TP73: variants seen among roughly 807,000 people sequenced by gnomAD.
TP73 encodes the protein tumor protein p73.
A neutral mutation model predicts 62.5 loss-of-function variants in TP73; 25 were observed. The ratio of observed to expected loss-of-function variants is 0.40; its 90% CI spans 0.29 to 0.56. The LOEUF is 0.56. Ranked by LOEUF, TP73 falls within the 20% of genes least tolerant of loss-of-function variation. The probability of loss-of-function intolerance (pLI) is 0.46; values close to 1 mark genes in which losing one functional copy is unlikely to be tolerated. For missense variants in TP73, 754 were observed against 913.3 expected, an observed-to-expected ratio of 0.83 and a Z score of 2.25; for synonymous variants, 423 against 377.5, an observed-to-expected ratio of 1.12 and a Z score of -1.40.
chr1:3,711,778 G>A (rs1227154747), intron 4 of TP73, among the ~76,000 whole-genome samples: 2 of 152,170 alleles, frequency 1.3e-5, no homozygotes, highest in Admixed American at 1.3e-4. Flanking sequence ...AAGATGGCCC[G>A]GACACAGCCC....
chr1:3,694,624 A>C (rs146869602), intron 3 of TP73, among the ~76,000 whole-genome samples: 3 of 9,922 alleles, frequency 3.0e-4, no homozygotes, highest in Non-Finnish European at 7.9e-4. Flanking sequence ...CTGCAGCCTC[A>C]GCCCCTCCTC....
rs1317806976 is a variant in TP73, at chr1:3,707,563, G to A, written c.201G>A (p.Leu67=). 1.9e-6 allele frequency: 3 copies of A among 1,609,804 alleles called. No homozygotes were observed. The highest frequency in any genetic ancestry group is 8.5e-7 in the Non-Finnish European group (1 of 1,177,732). ...MTTSVMAQFN[L]LSSTMDQMSS... ...TCCCGCGCCAGGCCCAGTTCAATCT[G>A]CTGAGCAGCACCATGGACCAGATGA... The change falls in exon 4 of 14, where the codon CTG becomes CTA. Residue 67 remains leucine, a synonymous_variant. Coordinates refer to ENST00000378295, the MANE Select transcript of TP73 (RefSeq NM_005427.4).
chr1:3,713,929 G>C (rs928065053), intron 4 of TP73, among the ~76,000 whole-genome samples: 1 of 152,132 alleles, frequency 6.6e-6, no homozygotes, highest in African/African-American at 2.4e-5. Context: ...CCAGGCTTCA[G>C]TGAGGCAGAA....
intron 4 of TP73, among the ~76,000 whole-genome samples, chr1:3,710,990 G>A (rs1315759091): frequency 6.6e-6 from 1 of 152,210 alleles, no homozygotes; most frequent in Admixed American, 6.5e-5. Flanking sequence ...CCAGTGACCA[G>A]TGACAGGGCA....
intron 3 of TP73, among the ~76,000 whole-genome samples, chr1:3,700,228 A>G (rs3765737): frequency 0.33 from 50,260 of 150,772 alleles, 8,726 homozygotes; most frequent in Non-Finnish European, 0.38. Context: ...GGAGTCAGCC[A>G]AAACCGTGGC....
chr1:3,722,566 C>T (rs922295814), intron 5 of TP73, among the ~76,000 whole-genome samples: 20 of 152,218 alleles, frequency 1.3e-4, no homozygotes, highest in Non-Finnish European at 1.3e-4. Flanking sequence ...GGGCAGGCAC[C>T]CCCAGAGCAC....
At chr1:3,714,815 G>C (rs941104815) in intron 4 of TP73, among the ~76,000 whole-genome samples, 1 of 152,198 alleles carries the variant, frequency 6.6e-6, no homozygotes, top group Admixed American at 6.5e-5. Context: ...TTGTCTCTGC[G>C]GACCCAGGGC....
Position 3,662,950 on chromosome 1 carries a change from T to C in TP73, c.-34+10309T>C, listed in dbSNP as rs994520907. On this transcript the variant is annotated intron_variant, in intron 1 of 13. Coordinates refer to ENST00000378295, the MANE Select transcript of TP73 (RefSeq NM_005427.4). The surrounding 1 kb of genome is among the most constrained non-coding windows in gnomAD (Gnocchi z 4.4). The stretch of plus-strand genomic sequence containing the variant: ...CTCTTTTATAAGAGAAACTTGTCTC[T>C]GGTCCCATGTGTTGCCCTTTGGGCA... Among the ~76,000 whole-genome samples, 5 of 152,266 alleles carry C rather than the reference T, an allele frequency of 3.3e-5. No individual in the cohort carries two copies. Among genetic ancestry groups the C allele is most frequent in the Non-Finnish European group, 5.9e-5 (4 of 68,046 alleles).
At chr1:3,724,214 C>T (rs1327850106) in intron 6 of TP73, among the ~76,000 whole-genome samples, 1 of 151,922 alleles carries the variant, frequency 6.6e-6, no homozygotes, top group East Asian at 1.9e-4. Context: ...GAAGTTACTG[C>T]GGGATGGTGG....
rs575267730 is a variant in TP73, at chr1:3,723,522, G to C, written c.732+53G>C. ...GGCCCTGCAGTCAGCTGTACGGGTC[G>C]GGGGAGGGGTCCCCTGAGGCAGCCC... On this transcript the variant is annotated intron_variant, in intron 6 of 13. Transcript: ENST00000378295. 1.8e-5 allele frequency: 16 copies of C among 886,564 alleles called. No homozygotes were observed. In the African/African-American group the frequency reaches 2.6e-4, roughly 15 times the overall value. 54.9% of individuals were successfully genotyped at this position (886,564 alleles called of 1,614,324 possible). A position where few individuals can be genotyped will look rare whatever the true frequency, so the allele number is the denominator to read the frequency against.
chr1:3,695,548 G>A (rs1399926068), intron 3 of TP73, among the ~76,000 whole-genome samples: 3 of 152,248 alleles, frequency 2.0e-5, no homozygotes, highest in Non-Finnish European at 4.4e-5. Flanking sequence ...CAGCACGGAC[G>A]GATCTGGAGC....
At chr1:3,715,405 A>C (rs1482778661) in intron 4 of TP73, among the ~76,000 whole-genome samples, 1 of 152,088 alleles carries the variant, frequency 6.6e-6, no homozygotes, top group Non-Finnish European at 1.5e-5. Context: ...CCCCGACCCC[A>C]GGCCCCAGGA....
chr1:3,703,466 G>T (rs2124362272), intron 3 of TP73, among the ~76,000 whole-genome samples: 1 of 152,308 alleles, frequency 6.6e-6, no homozygotes, highest in East Asian at 1.9e-4. Flanking sequence ...CTGCTGTCCG[G>T]ACACTTGTCC....
At chr1:3,707,997 G>A in intron 4 of TP73, 1 of 776,294 alleles carries the variant, frequency 1.3e-6, no homozygotes, top group Non-Finnish European at 2.0e-6. Flanking sequence ...AGACGTGAGT[G>A]GCCAGAGCCA....
chr1:3,716,851 AG>A (rs1311121818), intron 4 of TP73, among the ~76,000 whole-genome samples: 1 of 152,162 alleles, frequency 6.6e-6, no homozygotes, highest in African/African-American at 2.4e-5. Flanking sequence ...GCTCAGCCCC[AG>A]GAGCTTTTCT....
intron 3 of TP73, among the ~76,000 whole-genome samples, chr1:3,693,337 G>C (rs940349075): frequency 6.6e-6 from 1 of 152,196 alleles, no homozygotes; most frequent in African/African-American, 2.4e-5. Flanking sequence ...TGAGGCCCTG[G>C]TTATTCCTAT....
rs1210099450 is a variant in TP73 at position 3,732,811 on chromosome 1, T to C, written c.1643T>C (p.Leu548Pro). 1 of 1,608,292 alleles carries C rather than the reference T, an allele frequency of 6.2e-7. No homozygotes were observed. The highest frequency in any genetic ancestry group is 1.7e-5 in the Admixed American group (1 of 59,882). ...RMTIWRGLQD[L>P]KQGHDYSTAQ... Reference sequence around the variant, plus strand: ...ACCATCTGGCGGGGCCTGCAGGACCTGAAGCAGGGCCACGACTACAGCACC... The same window carrying C: ...ACCATCTGGCGGGGCCTGCAGGACCCGAAGCAGGGCCACGACTACAGCACC... Residue 548 changes from leucine to proline, a missense_variant, in exon 14 of 14, where the codon CTG becomes CCG. This residue lies in a region of TP73 where 458 missense variants were observed against 528.7 expected (regional missense o/e 0.87). Transcript: ENST00000378295.
At position 3,700,791 on chromosome 1, in the gene TP73, A is replaced by G. The variant is rs570327699; in HGVS notation, c.187-6758A>G. Among the ~76,000 whole-genome samples the G allele has an allele frequency of 2.0e-5, 3 of 152,370 alleles. No individual in the cohort carries two copies. In the East Asian group the frequency reaches 5.8e-4, roughly 29 times the overall value. Reference sequence around the variant, plus strand: ...GTGAGACTTCGTCTCAAAAAAAAAAAAAGTCACTTGAGACGGTTTACACAT... The same window carrying G: ...GTGAGACTTCGTCTCAAAAAAAAAAGAAGTCACTTGAGACGGTTTACACAT... On this transcript the variant is annotated intron_variant, in intron 3 of 13. Coordinates refer to ENST00000378295, the MANE Select transcript of TP73 (RefSeq NM_005427.4).
intron 4 of TP73, among the ~76,000 whole-genome samples, chr1:3,720,917 C>T (rs1390729482): frequency 3.3e-5 from 5 of 152,244 alleles, no homozygotes; most frequent in African/African-American, 1.2e-4. Context: ...ATGGGACATT[C>T]TCCAGGGCAC....
Sources: allele counts gnomAD v4.1 joint callset (sites outside exome capture counted in the v4.1 genomes callset), GRCh38; gene constraint gnomAD v4.1.1; regional missense constraint gnomAD v4.1.1; non-coding constraint Gnocchi (gnomAD v3.1); transcripts MANE v1.5; gene names NCBI Gene and HGNC (gene_info 2026-07-23, HGNC 2026-07-21).